Variants in GALR1 observed in about 807,000 individuals in gnomAD.
GALR1 encodes the protein galanin receptor 1.
Under a neutral mutation model 17.9 loss-of-function variants are expected in GALR1, and 11 were observed. That is an observed-to-expected ratio of 0.62 (90% CI 0.39 to 1.02). The LOEUF is 1.02. Ranked by LOEUF, GALR1 falls within the 50% of genes least tolerant of loss-of-function variation. The pLI is 0.01. For missense variants in GALR1, 441 were observed against 456.9 expected (o/e 0.97, Z 0.32); for synonymous variants, 206 against 205.7 (o/e 1.00, Z -0.01).
At chr18:77,259,409 T>TCA (rs1568142287) in intron 2 of GALR1, among the ~76,000 whole-genome samples, 10 of 140,226 alleles carry the variant, frequency 7.1e-5, no homozygotes, top group Non-Finnish European at 1.1e-4. Context: ...GTCATGGTGG[T>TCA]TATGGTGGTG....
In GALR1 at chr18:77,276,365, T is replaced by A. The variant is rs1165308685; in HGVS notation, c.*7463T>A. On this transcript the variant is annotated 3_prime_UTR_variant, in exon 3 of 3. Coordinates refer to ENST00000299727, the MANE Select transcript of GALR1 (RefSeq NM_001480.4). Reference sequence around the variant, plus strand: ...GGTATCCTCATGCATACAAGAAGGATTTGGAAAATGTCAGTGAGTTTGAAA... The same window carrying A: ...GGTATCCTCATGCATACAAGAAGGAATTGGAAAATGTCAGTGAGTTTGAAA... 6.6e-6 allele frequency: 1 copy of A among 152,214 alleles called. No individual in the cohort carries two copies. The highest frequency in any genetic ancestry group is 1.5e-5 in the Non-Finnish European group (1 of 68,042). 9.4% of individuals were successfully genotyped at this position (152,214 alleles called of 1,614,324 possible). A position where few individuals can be genotyped will look rare whatever the true frequency, so the allele number is the denominator to read the frequency against.
At position 77,250,830 on chromosome 18, in the gene GALR1, C is replaced by G. The variant is rs765381789; in HGVS notation, c.282C>G (p.Thr94=). The change falls in exon 1 of 3, where the codon ACC becomes ACG. Residue 94 remains threonine, a synonymous_variant. Coordinates refer to ENST00000299727, the MANE Select transcript of GALR1 (RefSeq NM_001480.4). ...TCTTCTGCATCCCCTTCCAGGCCAC[C>G]GTGTACGCGCTGCCCACCTGGGTGC... ...YLLFCIPFQA[T]VYALPTWVLG... is the part of the protein sequence containing the mutation. The G allele has an allele frequency of 6.2e-7, 1 of 1,613,674 alleles. No individual in the cohort carries two copies. Among genetic ancestry groups the G allele is most frequent in the Non-Finnish European group, 8.5e-7 (1 of 1,180,012 alleles).
At position 77,250,523 on chromosome 18, in the gene GALR1, C is replaced by T; in HGVS notation, c.-26C>T. 7.0e-7 allele frequency: 1 copy of T among 1,434,502 alleles called. No homozygotes were observed. Among genetic ancestry groups the T allele is most frequent in the South Asian group, 1.5e-5 (1 of 66,510 alleles). The allele number at this position is 1,434,502 out of a possible 1,614,324, so 88.9% of individuals were successfully genotyped here. ...CGCCCTCCCTCCCCGCGCGCCCCGC[C>T]GCTCGCCGGGACAGCCCCGCGGGCC... On this transcript the variant is annotated 5_prime_UTR_variant, in exon 1 of 3. Coordinates refer to ENST00000299727, the MANE Select transcript of GALR1 (RefSeq NM_001480.4).
chr18:77,253,003 A>T (rs1912500498), intron 1 of GALR1, among the ~76,000 whole-genome samples: 1 of 140,540 alleles, frequency 7.1e-6, no homozygotes, highest in Admixed American at 7.0e-5. Flanking sequence ...CACCACCACC[A>T]CCACCACCAC....
Position 77,271,065 on chromosome 18 carries a change from C to T in GALR1, c.*2163C>T, listed in dbSNP as rs775952100. On this transcript the variant is annotated 3_prime_UTR_variant, in exon 3 of 3. Coordinates refer to ENST00000299727, the MANE Select transcript of GALR1 (RefSeq NM_001480.4). Reference sequence around the variant, plus strand: ...ATGATTTCTTGCACCATGGCTATTTCTTTGTTTTCTCCTTCTGATCTGTAA... The same window carrying T: ...ATGATTTCTTGCACCATGGCTATTTTTTTGTTTTCTCCTTCTGATCTGTAA... 6.6e-6 allele frequency: 1 copy of T among 152,114 alleles called. No individual in the cohort carries two copies. Among genetic ancestry groups the T allele is most frequent in the Non-Finnish European group, 1.5e-5 (1 of 68,004 alleles). The allele number at this position is 152,114 out of a possible 1,614,324, so 9.4% of individuals were successfully genotyped here.
intron 1 of GALR1, among the ~76,000 whole-genome samples, chr18:77,252,473 A>C (rs1000297792): frequency 1.3e-5 from 2 of 152,226 alleles, no homozygotes; most frequent in Admixed American, 6.5e-5. Flanking sequence ...AAAAGTGTTT[A>C]CTATAAGCCA....
rs1171319443 is a variant in GALR1, at chr18:77,270,859, T to C, written c.*1957T>C. 6.6e-6 allele frequency: 1 copy of C among 152,196 alleles called. No homozygotes were observed. Among genetic ancestry groups the C allele is most frequent in the Non-Finnish European group, 1.5e-5 (1 of 68,040 alleles). The allele number at this position is 152,196 out of a possible 1,614,324, so 9.4% of individuals were successfully genotyped here. A position where few individuals can be genotyped will look rare whatever the true frequency, so the allele number is the denominator to read the frequency against. ...AAGAATATGTCCTTTGCATCGAATG[T>C]TTTTTGCACTTTATTCAAATATATA... On this transcript the variant is annotated 3_prime_UTR_variant, in exon 3 of 3. Transcript: ENST00000299727.
intron 2 of GALR1, among the ~76,000 whole-genome samples, chr18:77,258,971 T>TGTGGTGATG (rs1422855675): frequency 1.4e-5 from 1 of 72,622 alleles, no homozygotes; most frequent in African/African-American, 5.8e-5. Flanking sequence ...TGGTGGCGAT[T>TGTGGTGATG]GTGGTGATGG....
At position 77,250,931 on chromosome 18, in the gene GALR1, C is replaced by G. The variant is rs775709436; in HGVS notation, c.383C>G (p.Ala128Gly). 6 of 1,604,654 alleles carry G rather than the reference C, an allele frequency of 3.7e-6. No individual in the cohort carries two copies. The Admixed American group carries it at 6.7e-5, about 18-fold the overall frequency. The change falls in exon 1 of 3, where the codon GCG (alanine) becomes GGG (glycine). Residue 128 changes from alanine (A) to glycine (G), a missense_variant. Transcript: ENST00000299727. ...SMLVSIFTLA[A>G]MSVDRYVAIV... ...CTGGTGAGCATCTTCACCCTGGCCG[C>G]GATGTCCGTGGACCGCTACGTGGCC...
chr18:77,264,291 G>A (rs1912898911), intron 2 of GALR1, among the ~76,000 whole-genome samples: 1 of 152,224 alleles, frequency 6.6e-6, no homozygotes, highest in East Asian at 1.9e-4. Context: ...TGTCCCAAGG[G>A]AAAATCTGTG....
At chr18:77,263,075 A>G (rs761826622) in intron 2 of GALR1, among the ~76,000 whole-genome samples, 10 of 152,220 alleles carry the variant, frequency 6.6e-5, no homozygotes, top group Non-Finnish European at 1.2e-4. Context: ...AAAATTGTCT[A>G]AAAGAAACAA....
chr18:77,275,920 G>A lies in GALR1; in HGVS notation c.*7018G>A, dbSNP rs1913147866. On this transcript the variant is annotated 3_prime_UTR_variant, in exon 3 of 3. Transcript: ENST00000299727. ...CCTGTGTTCTTAACAGCCTCATGGGGCCTAGAGGAACTTTTACATGGTAGA... is the reference window on the plus strand; with the variant it reads ...CCTGTGTTCTTAACAGCCTCATGGGACCTAGAGGAACTTTTACATGGTAGA... 1 of 152,130 alleles carries A rather than the reference G, an allele frequency of 6.6e-6. No homozygotes were observed. Among genetic ancestry groups the A allele is most frequent in the Admixed American group, 6.5e-5 (1 of 15,270 alleles). 9.4% of individuals were successfully genotyped at this position (152,130 alleles called of 1,614,324 possible). A position where few individuals can be genotyped will look rare whatever the true frequency, so the allele number is the denominator to read the frequency against.
chr18:77,265,823 A>G (rs1912933885), intron 2 of GALR1, among the ~76,000 whole-genome samples: 1 of 152,186 alleles, frequency 6.6e-6, no homozygotes, highest in Non-Finnish European at 1.5e-5. Flanking sequence ...CACAGCTGGG[A>G]CACAGGACAC....
rs767364713 is a variant in GALR1 at position 77,250,963 on chromosome 18, C to A, written c.415C>A (p.His139Asn). The A allele has an allele frequency of 2.5e-6, 4 of 1,604,106 alleles. No individual in the cohort carries two copies. Among genetic ancestry groups the A allele is most frequent in the Non-Finnish European group, 2.5e-6 (3 of 1,179,946 alleles). Residue 139 changes from histidine to asparagine, a missense_variant, in exon 1 of 3, where the codon CAC becomes AAC. Transcript: ENST00000299727. The part of the protein sequence containing the change: ...MSVDRYVAIV[H>N]SRRSSSLRVS... ...CGTGGACCGCTACGTGGCCATCGTG[C>A]ACTCGCGGCGCTCCTCCTCCCTCAG... is the stretch of plus-strand genomic sequence containing the variant.
chr18:77,268,438 T>A (rs1912987116), intron 2 of GALR1, 147 bp from the exon 3 acceptor site: 1 of 616,808 alleles, frequency 1.6e-6, no homozygotes, highest in African/African-American at 1.8e-5. Flanking sequence ...CCATTTTTGA[T>A]CTCATGAAAA....
chr18:77,258,918 G>GTGT (rs1912710999), intron 2 of GALR1, among the ~76,000 whole-genome samples: 2 of 132,654 alleles, frequency 1.5e-5, no homozygotes, highest in Non-Finnish European at 3.2e-5. Context: ...GGTAGTGGTG[G>GTGT]TGATGATGGT....
In GALR1 at chr18:77,261,306, C is replaced by T. The variant is rs866122647; in HGVS notation, c.732+5083C>T. Among the ~76,000 whole-genome samples, 5 of 152,158 alleles carry T rather than the reference C, an allele frequency of 3.3e-5. No individual in the cohort carries two copies. The East Asian group carries it at 5.8e-4, about 18-fold the overall frequency. On this transcript the variant is annotated intron_variant, in intron 2 of 2. Transcript: ENST00000299727. ...CAAAAGATAATGTTGAGATTCTATA[C>T]GCTAAATAGACAAAGGAGGGAAGCA... is the stretch of plus-strand genomic sequence containing the variant.
rs1378070035 is a variant in GALR1 at position 77,277,050 on chromosome 18, T to C, written c.*8148T>C. 4.6e-5 allele frequency: 7 copies of C among 152,376 alleles called. No individual in the cohort carries two copies. The South Asian group carries it at 1.4e-3, about 32-fold the overall frequency. The allele number at this position is 152,376 out of a possible 1,614,324, so 9.4% of individuals were successfully genotyped here. On this transcript the variant is annotated 3_prime_UTR_variant, in exon 3 of 3. Coordinates refer to ENST00000299727, the MANE Select transcript of GALR1 (RefSeq NM_001480.4). ...GAAGTTTTGAACCCAGTGTTTAAAC[T>C]CAGTGTTTAAATATTTGCATGTCTT... is the stretch of plus-strand genomic sequence containing the variant.
Position 77,275,893 on chromosome 18 carries a change from G to A in GALR1, c.*6991G>A, listed in dbSNP as rs1913147339. On this transcript the variant is annotated 3_prime_UTR_variant, in exon 3 of 3. Coordinates refer to ENST00000299727, the MANE Select transcript of GALR1 (RefSeq NM_001480.4). ...TTCGGTAGCGTCCTCAGGCCCGCGT[G>A]CCCTGTGTTCTTAACAGCCTCATGG... 1 of 152,174 alleles carries A rather than the reference G, an allele frequency of 6.6e-6. No homozygotes were observed. The highest frequency in any genetic ancestry group is 1.5e-5 in the Non-Finnish European group (1 of 68,026). The allele number at this position is 152,174 out of a possible 1,614,324, so 9.4% of individuals were successfully genotyped here.
Sources: allele counts gnomAD v4.1 joint callset (sites outside exome capture counted in the v4.1 genomes callset), GRCh38; gene constraint gnomAD v4.1.1; transcripts MANE v1.5; gene names NCBI Gene and HGNC (gene_info 2026-07-23, HGNC 2026-07-21).